The following UXS1 variants were observed in gnomAD, a reference collection of about 807,000 sequenced individuals.
The protein encoded by UXS1 is UDP-glucuronic acid decarboxylase 1.
UXS1 carries 33 observed loss-of-function variants against 62.6 expected under a neutral mutation model. That is an observed-to-expected ratio of 0.53 (90% CI 0.40 to 0.70). The LOEUF is 0.70. Ranked by LOEUF, UXS1 falls within the 30% of genes least tolerant of loss-of-function variation. The pLI is 0.00. For missense variants in UXS1, 434 were observed against 556.3 expected (o/e 0.78, Z 2.21); for synonymous variants, 213 against 206.8 (o/e 1.03, Z -0.26).
intron 11 of UXS1, among the ~76,000 whole-genome samples, chr2:106,104,402 G>A (rs1325661781): frequency 1.3e-5 from 2 of 152,190 alleles, no homozygotes; most frequent in Non-Finnish European, 2.9e-5. Flanking sequence ...CCCTCCACAA[G>A]GACTATCTCC....
At chr2:106,136,250 A>T (rs1680629183) in intron 6 of UXS1, among the ~76,000 whole-genome samples, 2 of 81,528 alleles carry the variant, frequency 2.5e-5, no homozygotes, top group African/African-American at 4.7e-5. Context: ...ATCATTAAAA[A>T]GTCAGGAAAC....
chr2:106,105,258 C>T (rs1396856275), intron 10 of UXS1, among the ~76,000 whole-genome samples: 2 of 152,158 alleles, frequency 1.3e-5, no homozygotes, highest in Non-Finnish European at 2.9e-5. Context: ...CTGGGGATGC[C>T]GCCCAGGCTG....
At chr2:106,143,655 T>G (rs1681330189) in intron 6 of UXS1, among the ~76,000 whole-genome samples, 1 of 152,138 alleles carries the variant, frequency 6.6e-6, no homozygotes, top group Non-Finnish European at 1.5e-5. Flanking sequence ...AGGGCTGTGT[T>G]CCTTTCTTCA....
intron 4 of UXS1, among the ~76,000 whole-genome samples, chr2:106,159,598 A>G (rs1196310930): frequency 6.6e-6 from 1 of 152,234 alleles, no homozygotes; most frequent in Non-Finnish European, 1.5e-5. Context: ...AAAGTTATTC[A>G]GTTAGGAACA....
chr2:106,112,532 A>G, intron 10 of UXS1, 114 bp downstream of exon 10: 1 of 1,473,118 alleles, frequency 6.8e-7, no homozygotes, highest in Non-Finnish European at 9.1e-7. Context: ...GCGGGTATAC[A>G]TGGCAGCTTC....
intron 6 of UXS1, among the ~76,000 whole-genome samples, chr2:106,142,889 A>G (rs530457260): frequency 4.0e-4 from 60 of 150,694 alleles, no homozygotes; most frequent in African/African-American, 1.4e-3. Flanking sequence ...ACTTCATTCA[A>G]TGTGTGGGTG....
chr2:106,176,602 C>G (rs563757552), intron 1 of UXS1, among the ~76,000 whole-genome samples: 1 of 152,326 alleles, frequency 6.6e-6, no homozygotes, highest in East Asian at 1.9e-4. Flanking sequence ...ACTCCTGAAC[C>G]TGAAGGAGCC....
chr2:106,150,805 C>T (rs1194515789), intron 5 of UXS1, among the ~76,000 whole-genome samples: 1 of 152,222 alleles, frequency 6.6e-6, no homozygotes, highest in Admixed American at 6.5e-5. Flanking sequence ...AAGGAAGTTA[C>T]AGGCACAGAA....
At chr2:106,129,633 T>A in intron 7 of UXS1, 41 bp downstream of exon 7, 2 of 1,476,760 alleles carry the variant, frequency 1.4e-6, no homozygotes, top group Non-Finnish European at 1.9e-6. Context: ...ATCTAAAATA[T>A]TCCCAGCAAC....
intron 1 of UXS1, among the ~76,000 whole-genome samples, chr2:106,166,997 G>A (rs1477237716): frequency 6.6e-6 from 1 of 152,166 alleles, no homozygotes; most frequent in East Asian, 1.9e-4. Context: ...CTGCAGTGCG[G>A]CTTAACTCCA....
In UXS1 at chr2:106,145,374, C is replaced by G. The variant is rs1333066777; in HGVS notation, c.292-4G>C. The G allele has an allele frequency of 6.2e-7, 1 of 1,611,234 alleles. No individual in the cohort carries two copies. Among genetic ancestry groups the G allele is most frequent in the Admixed American group, 1.7e-5 (1 of 59,780 alleles). On this transcript the variant is annotated splice_region_variant and splice_polypyrimidine_tract_variant and intron_variant, in intron 5 of 14. Transcript: ENST00000283148. Reference sequence around the variant, plus strand: ...CGAACCCTGCGCCTCCTGTTATCTGCATCCGGACAGCGTGTGCAGAGCATT... The same window carrying G: ...CGAACCCTGCGCCTCCTGTTATCTGGATCCGGACAGCGTGTGCAGAGCATT...
intron 5 of UXS1, among the ~76,000 whole-genome samples, chr2:106,150,500 G>A (rs745607981): frequency 8.5e-5 from 13 of 152,210 alleles, no homozygotes; most frequent in Non-Finnish European, 1.9e-4. Flanking sequence ...GCTCCCCTTA[G>A]CATTCCTCAG....
chr2:106,181,233 T>C (rs922144779), intron 1 of UXS1, among the ~76,000 whole-genome samples: 14 of 152,144 alleles, frequency 9.2e-5, no homozygotes, highest in South Asian at 2.1e-4. Context: ...AGCAGCCCTG[T>C]ACTCTTCTTC....
intron 6 of UXS1, among the ~76,000 whole-genome samples, chr2:106,142,068 C>T (rs1681153328): frequency 6.6e-6 from 1 of 151,972 alleles, no homozygotes; most frequent in African/African-American, 2.4e-5. Context: ...GACTGGGTTT[C>T]ACCGCGTTGC....
intron 10 of UXS1, among the ~76,000 whole-genome samples, chr2:106,108,355 C>T (rs566144897): frequency 2.0e-5 from 3 of 152,260 alleles, no homozygotes; most frequent in East Asian, 1.9e-4. Flanking sequence ...ATCTGTCTTC[C>T]CTGGGCTCTA....
chr2:106,160,747 T>C (rs889592880), intron 4 of UXS1: 1 of 152,222 alleles, frequency 6.6e-6, no homozygotes, highest in South Asian at 2.1e-4. Flanking sequence ...AAAGGCATGG[T>C]TGCCCGACAT....
intron 10 of UXS1, among the ~76,000 whole-genome samples, chr2:106,105,319 T>C (rs1273200527): frequency 6.6e-6 from 1 of 152,186 alleles, no homozygotes; most frequent in Admixed American, 6.5e-5. Context: ...TTGTTACAGC[T>C]AGCTCCCCAG....
chr2:106,116,363 T>G (rs574303811), intron 9 of UXS1, among the ~76,000 whole-genome samples: 210 of 152,312 alleles, frequency 1.4e-3, no homozygotes, highest in African/African-American at 4.7e-3. Context: ...CCCTTTACTG[T>G]CAGTCCTCAC....
chr2:106,112,198 G>A (rs1678677064), intron 10 of UXS1, among the ~76,000 whole-genome samples: 1 of 152,252 alleles, frequency 6.6e-6, no homozygotes, highest in South Asian at 2.1e-4. Flanking sequence ...GGTTGAGGGT[G>A]GCCAGTGGAG....
Sources: allele counts gnomAD v4.1 joint callset (sites outside exome capture counted in the v4.1 genomes callset), GRCh38; gene constraint gnomAD v4.1.1; transcripts MANE v1.5; gene names NCBI Gene and HGNC (gene_info 2026-07-23, HGNC 2026-07-21).